ATP9A: variants seen among roughly 807,000 people sequenced by gnomAD.
The protein encoded by ATP9A is probable phospholipid-transporting ATPase IIA.
In ATP9A, 52 loss-of-function variants were observed where a neutral mutation model predicts 144.1. The observed-to-expected ratio is 0.36, with a 90% CI of 0.29 to 0.45. The LOEUF (loss-of-function observed/expected upper bound fraction) is 0.45, where lower values mean the gene tolerates loss of function less well. Among genes scored for constraint, ATP9A ranks in the 20% least tolerant of loss-of-function variants. The pLI is 1.00. For synonymous variants in ATP9A, 582 were observed against 557.4 expected (o/e 1.04, Z -0.62); for missense variants, 947 against 1,392.7 (o/e 0.68, Z 5.09).
At chr20:51,732,259 A>G (rs186814797) in intron 1 of ATP9A, 2 of 152,370 alleles carry the variant, frequency 1.3e-5, no homozygotes, top group Admixed American at 6.5e-5. Flanking sequence ...AAACTGCAAC[A>G]AAAACGTCCC....
chr20:51,702,166 G>T (rs1033061064), intron 4 of ATP9A, among the ~76,000 whole-genome samples: 1 of 151,944 alleles, frequency 6.6e-6, no homozygotes, highest in African/African-American at 2.4e-5. Flanking sequence ...GGGCGTGGTG[G>T]CAGGCGCCTG....
At chr20:51,664,621 CA>C (rs2077424938) in intron 13 of ATP9A, among the ~76,000 whole-genome samples, 1 of 152,088 alleles carries the variant, frequency 6.6e-6, no homozygotes, top group Non-Finnish European at 1.5e-5. Flanking sequence ...AATAAGAAAA[CA>C]AAATGAAAAA....
chr20:51,739,064 G>T (rs902691823), intron 1 of ATP9A, among the ~76,000 whole-genome samples: 1 of 152,158 alleles, frequency 6.6e-6, no homozygotes, highest in Non-Finnish European at 1.5e-5. Context: ...ACTCCACCCT[G>T]GGTGACAGAG....
Position 51,619,041 on chromosome 20 carries a change from C to A in ATP9A, c.2118G>T (p.Val706=). 6.2e-7 allele frequency: 1 copy of A among 1,613,742 alleles called. No homozygotes were observed. Among genetic ancestry groups the A allele is most frequent in the South Asian group, 1.1e-5 (1 of 91,030 alleles). ...CGAGGTGAGCCTCCCCGCGGTTGGT[C>A]ACCTGGAAGGGAACAGAGATGGGGA... ...RNQDIHVFRL[V]TNRGEAHLEL... The change falls in exon 20 of 28, where the codon GTG becomes GTT. Residue 706 remains valine, a splice_region_variant and synonymous_variant. Coordinates refer to ENST00000338821, the MANE Select transcript of ATP9A (RefSeq NM_006045.3).
At chr20:51,724,170 T>A (rs2077702364) in intron 3 of ATP9A, among the ~76,000 whole-genome samples, 1 of 148,046 alleles carries the variant, frequency 6.8e-6, no homozygotes, top group Admixed American at 6.6e-5. Context: ...AAACTCCATC[T>A]CAAAAATAAA....
chr20:51,686,851 C>T (rs1261373221), intron 9 of ATP9A, among the ~76,000 whole-genome samples: 1 of 151,522 alleles, frequency 6.6e-6, no homozygotes, highest in South Asian at 2.1e-4. Flanking sequence ...AGGAGAATCA[C>T]GTGAACCTGG....
At chr20:51,631,989 A>T (rs2077271899) in intron 15 of ATP9A, among the ~76,000 whole-genome samples, 1 of 152,250 alleles carries the variant, frequency 6.6e-6, no homozygotes, top group Non-Finnish European at 1.5e-5. Flanking sequence ...TAAAAAAGAG[A>T]CAGGGGAGAC....
In ATP9A at chr20:51,598,076, C is replaced by T. The variant is rs920903459; in HGVS notation, c.*3135G>A. The T allele has an allele frequency of 2.6e-5, 4 of 151,598 alleles. No homozygotes were observed. The highest frequency in any genetic ancestry group is 6.6e-5 in the Admixed American group (1 of 15,218). 9.4% of individuals were successfully genotyped at this position (151,598 alleles called of 1,614,324 possible). ...CACCTGTCTCACCTGGCACCACAGG[C>T]AACACACATGTGCACACGCATGCTT... On this transcript the variant is annotated 3_prime_UTR_variant, in exon 28 of 28. Coordinates refer to ENST00000338821, the MANE Select transcript of ATP9A (RefSeq NM_006045.3).
chr20:51,602,452 A>ACATCT (rs1295341107), intron 27 of ATP9A, among the ~76,000 whole-genome samples: 1 of 152,212 alleles, frequency 6.6e-6, no homozygotes, highest in African/African-American at 2.4e-5. Flanking sequence ...AGCAGGGGCC[A>ACATCT]CATCTCTGTG....
In ATP9A at chr20:51,724,128, G is replaced by A. The variant is rs1348545918; in HGVS notation, c.327+1691C>T. On this transcript the variant is annotated intron_variant, in intron 3 of 27. Coordinates refer to ENST00000338821, the MANE Select transcript of ATP9A (RefSeq NM_006045.3). ...AGAGGTTGTGGTGAGCTGAAATTGC[G>A]CCACTGCACTCCAACCTGGGCAATA... Among the ~76,000 whole-genome samples, 8 of 151,960 alleles carry A rather than the reference G, an allele frequency of 5.3e-5. No homozygotes were observed. The East Asian group carries it at 9.7e-4, about 18-fold the overall frequency.
At chr20:51,752,222 C>G (rs1035375341) in intron 1 of ATP9A, among the ~76,000 whole-genome samples, 3 of 152,186 alleles carry the variant, frequency 2.0e-5, no homozygotes, top group Non-Finnish European at 4.4e-5. Flanking sequence ...ATTAACCCTG[C>G]TAAGCCTCCG....
chr20:51,754,624 G>A (rs1269621147), intron 1 of ATP9A, among the ~76,000 whole-genome samples: 1 of 149,642 alleles, frequency 6.7e-6, no homozygotes, highest in Non-Finnish European at 1.5e-5. Flanking sequence ...GACCAGCCTG[G>A]CCAACATGGC....
intron 26 of ATP9A, among the ~76,000 whole-genome samples, chr20:51,606,690 G>A (rs150576473): frequency 7.8e-4 from 119 of 152,280 alleles, no homozygotes; most frequent in Non-Finnish European, 1.5e-3. Context: ...GCAGGGACTC[G>A]TGGCTCACAG....
intron 9 of ATP9A, among the ~76,000 whole-genome samples, chr20:51,679,028 A>G (rs1006316244): frequency 2.1e-5 from 3 of 145,396 alleles, no homozygotes; most frequent in South Asian, 2.1e-4. Context: ...TTGCCTATCT[A>G]AAAAAAAAAA....
chr20:51,674,850 T>A (rs1217375213), intron 10 of ATP9A, among the ~76,000 whole-genome samples: 2 of 152,070 alleles, frequency 1.3e-5, no homozygotes, highest in East Asian at 3.9e-4. Context: ...AGAGATGGAG[T>A]CTCGCTTTGT....
chr20:51,660,126 C>T (rs1344875869), intron 13 of ATP9A, among the ~76,000 whole-genome samples: 2 of 152,196 alleles, frequency 1.3e-5, no homozygotes, highest in Non-Finnish European at 2.9e-5. Flanking sequence ...GAACACGTGT[C>T]TTCATTTCTG....
chr20:51,717,104 G>A (rs1295644071), intron 3 of ATP9A, among the ~76,000 whole-genome samples: 3 of 150,598 alleles, frequency 2.0e-5, no homozygotes, highest in Admixed American at 1.3e-4. Flanking sequence ...CCTGAAAGGC[G>A]GAAGTTACAG....
chr20:51,627,035 C>T (rs906412115), intron 17 of ATP9A, among the ~76,000 whole-genome samples: 8 of 138,614 alleles, frequency 5.8e-5, no homozygotes, highest in East Asian at 2.1e-4. Context: ...CCAGCCTGGG[C>T]GACAAGAGCG....
chr20:51,757,262 C>A (rs2077860466), intron 1 of ATP9A, among the ~76,000 whole-genome samples: 1 of 152,148 alleles, frequency 6.6e-6, no homozygotes, highest in Non-Finnish European at 1.5e-5. Flanking sequence ...AAGTGAGCCA[C>A]CCACCTCGGC....
Sources: allele counts gnomAD v4.1 joint callset (sites outside exome capture counted in the v4.1 genomes callset), GRCh38; gene constraint gnomAD v4.1.1; transcripts MANE v1.5; gene names NCBI Gene and HGNC (gene_info 2026-07-23, HGNC 2026-07-21).